The following CLPS variants were observed in gnomAD, a reference collection of about 807,000 sequenced individuals.
CLPS encodes the protein colipase, pancreatic.
CLPS carries 8 observed loss-of-function variants against 9.3 expected under a neutral mutation model. The ratio of observed to expected loss-of-function variants is 0.86; its 90% confidence interval spans 0.51 to 1.56. The LOEUF (loss-of-function observed/expected upper bound fraction) is 1.56, where lower values mean the gene tolerates loss of function less well. CLPS is among the 40% of genes most tolerant of loss of function. The probability of loss-of-function intolerance (pLI) is 0.00; values close to 1 mark genes in which losing one functional copy is unlikely to be tolerated. For synonymous variants in CLPS, 61 were observed against 56.2 expected (o/e 1.09, Z -0.39); for missense variants, 144 against 145.7 (o/e 0.99, Z 0.06).
chr6:35,795,963 T>C, intron 1 of CLPS, 110 bp from the exon 2 acceptor site: 1 of 1,522,810 alleles, frequency 6.6e-7, no homozygotes, highest in Non-Finnish European at 8.9e-7. Context: ...GGTAGGGATG[T>C]GTGTGAAGGA....
At chr6:35,795,373 T>C in intron 2 of CLPS, 96 bp from the exon 3 acceptor site, 1 of 1,524,994 alleles carries the variant, frequency 6.6e-7, no homozygotes, top group Non-Finnish European at 8.8e-7. Context: ...GGCCAGCCTG[T>C]GTTTTCGGGG....
rs2766597 is a variant in CLPS, at chr6:35,797,266, A to G, written c.23T>C (p.Leu8Pro). The change falls in exon 1 of 3, where the codon CTG becomes CCG. Residue 8 changes from leucine to proline, a missense_variant. Physicochemically the swap from Leu to Pro is moderately conservative, Grantham distance 98. Transcript: ENST00000259938. MEKILIL[L>P]LVALSVAYAA... Reference sequence around the variant, plus strand: ...ATAGGCCACAGAGAGGGCGACAAGCAGGAGGATCAGGATCTTCTCCATGGT... The same window carrying G: ...ATAGGCCACAGAGAGGGCGACAAGCGGGAGGATCAGGATCTTCTCCATGGT... 0.015 allele frequency: 24,523 copies of G among 1,603,940 alleles called. No individual in the cohort carries two copies. Among genetic ancestry groups the G allele is most frequent in the African/African-American group, 0.1 (7,485 of 72,826 alleles).
At position 35,795,166 on chromosome 6, in the gene CLPS, C is replaced by A. The variant is rs748533143; in HGVS notation, c.319G>T (p.Ala107Ser). 11 of 1,613,914 alleles carry A rather than the reference C, an allele frequency of 6.8e-6. No individual in the cohort carries two copies. Among genetic ancestry groups the A allele is most frequent in the Admixed American group, 1.7e-5 (1 of 59,992 alleles). The part of the protein sequence containing the change: ...TNTNFGICHD[A>S]GRSKQ Reference sequence around the variant, plus strand: ...CAGTCTCACTGCTTGGAGCGTCCAGCGTCATGGCAGATGCCAAAGTTGGTG... The same window carrying A: ...CAGTCTCACTGCTTGGAGCGTCCAGAGTCATGGCAGATGCCAAAGTTGGTG... The change falls in exon 3 of 3, where the codon GCT (alanine) becomes TCT (serine). Residue 107 changes from alanine to serine, a missense_variant. Transcript: ENST00000259938.
chr6:35,795,694 A>G (rs774159673), intron 2 of CLPS, 37 bp downstream of exon 2: 10 of 1,604,052 alleles, frequency 6.2e-6, no homozygotes, highest in Non-Finnish European at 8.5e-6. Context: ...CCTACTCCCC[A>G]TTCTCCCCCA....
chr6:35,794,996 G>A lies in CLPS; in HGVS notation c.*150C>T. On this transcript the variant is annotated 3_prime_UTR_variant, in exon 3 of 3. Coordinates refer to ENST00000259938, the MANE Select transcript of CLPS (RefSeq NM_001832.4). ...AGGAGACTGGGAAAGGTTTGCAGGA[G>A]GCCTTTAATTGTGAAGAGCGCAATC... 1.8e-6 allele frequency: 2 copies of A among 1,100,672 alleles called. No homozygotes were observed. Among genetic ancestry groups the A allele is most frequent in the South Asian group, 3.4e-5 (2 of 58,682 alleles). 68.2% of individuals were successfully genotyped at this position (1,100,672 alleles called of 1,614,324 possible).
chr6:35,795,713 A>C lies in CLPS; in HGVS notation c.207+18T>G, dbSNP rs1768343602. The C allele has an allele frequency of 2.5e-6, 4 of 1,609,316 alleles. No individual in the cohort carries two copies. The highest frequency in any genetic ancestry group is 2.7e-5 in the African/African-American group (2 of 74,822). ...CTCCCCATTCTCCCCCACCCACGCC[A>C]AGTCCTCAGGCACCCACCTTGACAG... is the stretch of plus-strand genomic sequence containing the variant. On this transcript the variant is annotated intron_variant, in intron 2 of 2. Transcript: ENST00000259938.
At position 35,795,774 on chromosome 6, in the gene CLPS, C is replaced by T. The variant is rs142530335; in HGVS notation, c.164G>A (p.Arg55His). ...GTTCTCGCTGGCCATGGATGTGCAGCGGGCCAGGCCCAGCGCACTTGAATG... is the reference window on the plus strand; with the variant it reads ...GTTCTCGCTGGCCATGGATGTGCAGTGGGCCAGGCCCAGCGCACTTGAATG... The part of the protein sequence containing the change: ...CQHSSALGLA[R>H]CTSMASENSE... Residue 55 changes from arginine to histidine, a missense_variant, in exon 2 of 3, where the codon CGC (arginine) becomes CAC (histidine). Coordinates refer to ENST00000259938, the MANE Select transcript of CLPS (RefSeq NM_001832.4). 2.3e-3 allele frequency: 3,671 copies of T among 1,611,820 alleles called. No individual in the cohort carries two copies. The highest frequency in any genetic ancestry group is 0.013 in the Middle Eastern group (80 of 6,040).
At chr6:35,796,585 T>C (rs1258302609) in intron 1 of CLPS, among the ~76,000 whole-genome samples, 1 of 152,268 alleles carries the variant, frequency 6.6e-6, no homozygotes, top group African/African-American at 2.4e-5. Flanking sequence ...GAAGCTGGAA[T>C]GATTGGCGCA....
chr6:35,795,421 G>A (rs1235377581), intron 2 of CLPS, 144 bp from the exon 3 acceptor site: 8 of 1,273,568 alleles, frequency 6.3e-6, no homozygotes, highest in Middle Eastern at 2.2e-4. Context: ...GGTGCCGTGG[G>A]CCCTGGAGAC....
intron 1 of CLPS, among the ~76,000 whole-genome samples, chr6:35,796,461 C>T (rs6906260): frequency 0.075 from 11,199 of 150,078 alleles, 122 homozygotes; most frequent in African/African-American, 0.15. Context: ...TGACCTCAGG[C>T]AGGTTGCTCA....
At chr6:35,795,960 ATG>A in intron 1 of CLPS, 107 bp from the exon 2 acceptor site, 1 of 1,538,974 alleles carries the variant, frequency 6.5e-7, no homozygotes, top group African/African-American at 1.4e-5. Flanking sequence ...CCTGGTAGGG[ATG>A]TGTGTGAAGG....
At chr6:35,796,234 T>C (rs1291868939) in intron 1 of CLPS, among the ~76,000 whole-genome samples, 1 of 152,266 alleles carries the variant, frequency 6.6e-6, no homozygotes, top group Non-Finnish European at 1.5e-5. Flanking sequence ...GCGGTGAAGA[T>C]TGCATCTCCC....
chr6:35,795,894 G>A, intron 1 of CLPS, 41 bp from the exon 2 acceptor site: 1 of 1,608,678 alleles, frequency 6.2e-7, no homozygotes, highest in Non-Finnish European at 8.5e-7. Context: ...CACTCCCTCA[G>A]GTCCCTTCTC....
intron 1 of CLPS, 144 bp downstream of exon 1, chr6:35,797,061 G>T: frequency 2.7e-6 from 2 of 747,284 alleles, no homozygotes; most frequent in Non-Finnish European, 4.4e-6. Flanking sequence ...GCATAGGACA[G>T]GACATGGAAG....
At chr6:35,795,686 T>C in intron 2 of CLPS, 45 bp downstream of exon 2, 2 of 1,604,304 alleles carry the variant, frequency 1.2e-6, no homozygotes, top group Middle Eastern at 3.4e-4. Context: ...TTCAGGGCCC[T>C]ACTCCCCATT....
At chr6:35,796,945 A>T (rs924554048) in intron 1 of CLPS, 1 of 495,542 alleles carries the variant, frequency 2.0e-6, no homozygotes, top group Non-Finnish European at 3.5e-6. Flanking sequence ...AAAGAAAAAA[A>T]AGAAAAAAAA....
intron 1 of CLPS, 84 bp downstream of exon 1, chr6:35,797,121 G>A: frequency 7.8e-7 from 1 of 1,276,026 alleles, no homozygotes; most frequent in South Asian, 1.2e-5. Flanking sequence ...GCCAGTCCAG[G>A]TGGAGACATC....
In CLPS at chr6:35,795,919, C is replaced by T. The variant is rs1479000433; in HGVS notation, c.85-66G>A. On this transcript the variant is annotated intron_variant, in intron 1 of 2. Transcript: ENST00000259938. ...GGTCCCTTCTCCATTCAGACCTGTA[C>T]CCACCACACACTACCACTAACAGTG... is the stretch of plus-strand genomic sequence containing the variant. 2.0e-5 allele frequency: 32 copies of T among 1,594,626 alleles called. No homozygotes were observed. In the African/African-American group the frequency reaches 3.9e-4, roughly 19 times the overall value.
At chr6:35,795,603 T>C (rs966667690) in intron 2 of CLPS, 128 bp downstream of exon 2, 40 of 1,452,436 alleles carry the variant, frequency 2.8e-5, no homozygotes, top group Non-Finnish European at 2.8e-6. Flanking sequence ...CTTTGACACC[T>C]GTCGACCTCC....
Sources: gnomAD v4.1 joint callset for allele counts (sites outside exome capture counted in the v4.1 genomes callset) on GRCh38, gnomAD v4.1.1 for gene constraint, MANE v1.5 for transcripts, NCBI Gene and HGNC (gene_info 2026-07-23, HGNC 2026-07-21) for gene names.